The following TTC39B variants were observed in gnomAD, a reference collection of about 807,000 sequenced individuals.
TTC39B encodes tetratricopeptide repeat protein 39B.
TTC39B carries 92 observed loss-of-function variants against 96.6 expected under a neutral mutation model. The ratio of observed to expected loss-of-function variants is 0.95; its 90% confidence interval spans 0.80 to 1.13. The LOEUF (loss-of-function observed/expected upper bound fraction) is 1.13. Ranked by LOEUF, TTC39B falls within the 50% of genes most tolerant of loss-of-function variation. The pLI is 0.00. For synonymous variants in TTC39B, 367 were observed against 299.4 expected (o/e 1.23, Z -2.33); for missense variants, 955 against 809.3 (o/e 1.18, Z -2.18).
intron 1 of TTC39B, among the ~76,000 whole-genome samples, chr9:15,303,095 G>C (rs981380953): frequency 2.6e-5 from 4 of 152,000 alleles, no homozygotes; most frequent in Non-Finnish European, 5.9e-5. Flanking sequence ...TTGAACCCAG[G>C]AGGCAGAGGT....
At chr9:15,169,643 G>C (rs1161532236) in exon 20 of TTC39B, 1 of 152,074 alleles carries the variant, frequency 6.6e-6, no homozygotes, top group African/African-American at 2.4e-5. Context: ...ACAATATCTT[G>C]AACATAGCAG....
intron 2 of TTC39B, among the ~76,000 whole-genome samples, chr9:15,242,519 G>C (rs971008609): frequency 1.3e-5 from 2 of 152,084 alleles, no homozygotes; most frequent in African/African-American, 4.8e-5. Flanking sequence ...GACGGTTGAG[G>C]CTGCAGTGAG....
At chr9:15,255,292 G>A (rs967476902) in intron 2 of TTC39B, among the ~76,000 whole-genome samples, 1 of 152,026 alleles carries the variant, frequency 6.6e-6, no homozygotes, top group African/African-American at 2.4e-5. Context: ...GCATGGTACT[G>A]AACTATACAC....
chr9:15,200,569 T>A (rs1318979562), intron 7 of TTC39B, among the ~76,000 whole-genome samples: 1 of 152,192 alleles, frequency 6.6e-6, no homozygotes, highest in Non-Finnish European at 1.5e-5. Flanking sequence ...ATTTTCAGGG[T>A]CAGCATTCTA....
At chr9:15,206,732 A>C (rs1819879825) in intron 6 of TTC39B, among the ~76,000 whole-genome samples, 2 of 151,722 alleles carry the variant, frequency 1.3e-5, no homozygotes, top group Admixed American at 6.5e-5. Flanking sequence ...GGCTATAGTC[A>C]CAAGTTTATT....
chr9:15,173,948 T>G lies in TTC39B; in HGVS notation c.1958+1071A>C, dbSNP rs574429305. On this transcript the variant is annotated intron_variant, in intron 19 of 19. Transcript: ENST00000512701. ...AAAGCATCATCATTGACCCAGTGGC[T>G]CAACCTCCTCAATGCAGATGTTCAC... Among the ~76,000 whole-genome samples the G allele has an allele frequency of 3.9e-5, 6 of 152,298 alleles. No homozygotes were observed. In the East Asian group the frequency reaches 1.2e-3, roughly 29 times the overall value.
chr9:15,201,608 G>T (rs905124078), intron 7 of TTC39B, among the ~76,000 whole-genome samples: 5 of 152,196 alleles, frequency 3.3e-5, no homozygotes, highest in African/African-American at 1.2e-4. Context: ...TAAGGATCAT[G>T]ATGGGTTTGG....
chr9:15,225,914 G>A lies in TTC39B; in HGVS notation c.371+3C>T. 1 of 1,613,216 alleles carries A rather than the reference G, an allele frequency of 6.2e-7. No individual in the cohort carries two copies. Among genetic ancestry groups the A allele is most frequent in the Non-Finnish European group, 8.5e-7 (1 of 1,179,494 alleles). On this transcript the variant is annotated splice_donor_region_variant and intron_variant, in intron 3 of 19. Transcript: ENST00000512701. ...CCCAGGAATGCCCACAACCCTTCCT[G>A]ACCTGCTGACAGTAGACGCTCCGCG...
intron 7 of TTC39B, among the ~76,000 whole-genome samples, chr9:15,203,421 T>TA (rs1425975199): frequency 2.0e-5 from 3 of 151,546 alleles, no homozygotes; most frequent in African/African-American, 7.3e-5. Context: ...TGGCTAATTT[T>TA]TTTTTTTTTT....
chr9:15,185,168 C>CT, intron 16 of TTC39B, 112 bp downstream of exon 16: 1 of 1,357,854 alleles, frequency 7.4e-7, no homozygotes, highest in African/African-American at 1.5e-5. Flanking sequence ...ACAACAAAAC[C>CT]TACAATGGTT....
intron 1 of TTC39B, among the ~76,000 whole-genome samples, chr9:15,289,469 C>T (rs1824100599): frequency 6.6e-6 from 1 of 152,216 alleles, no homozygotes; most frequent in South Asian, 2.1e-4. Flanking sequence ...ATGAGGCAGA[C>T]ATTAGAATCC....
At chr9:15,215,940 C>G (rs1282876552) in intron 3 of TTC39B, among the ~76,000 whole-genome samples, 1 of 152,160 alleles carries the variant, frequency 6.6e-6, no homozygotes, top group Non-Finnish European at 1.5e-5. Flanking sequence ...GAGCTTCCAT[C>G]CCACCAACCT....
intron 16 of TTC39B, among the ~76,000 whole-genome samples, chr9:15,183,061 T>C (rs926416131): frequency 5.3e-5 from 8 of 152,216 alleles, no homozygotes; most frequent in Non-Finnish European, 4.4e-5. Flanking sequence ...AATATTTTTC[T>C]AATGTTCCTG....
intron 3 of TTC39B, among the ~76,000 whole-genome samples, chr9:15,219,531 C>T (rs1820723479): frequency 6.6e-6 from 1 of 152,184 alleles, no homozygotes. Context: ...CATATCCCCT[C>T]ACCCTTCTCC....
intron 2 of TTC39B, among the ~76,000 whole-genome samples, chr9:15,258,484 T>C (rs1563769394): frequency 6.6e-6 from 1 of 152,116 alleles, no homozygotes; most frequent in Non-Finnish European, 1.5e-5. Context: ...TAGTGAGTGA[T>C]AAAAGAAGCA....
intron 4 of TTC39B, among the ~76,000 whole-genome samples, chr9:15,213,143 G>T (rs1820304328): frequency 6.6e-6 from 1 of 152,000 alleles, no homozygotes; most frequent in African/African-American, 2.4e-5. Flanking sequence ...AGACAGGCAA[G>T]TAGGCTGAGA....
chr9:15,307,002 G>A, intron 1 of TTC39B, 82 bp downstream of exon 1: 2 of 1,549,400 alleles, frequency 1.3e-6, no homozygotes, highest in Non-Finnish European at 1.7e-6. Flanking sequence ...GGCCTCGGCC[G>A]TCCTAGCCGG....
chr9:15,305,520 A>T (rs958771780), intron 1 of TTC39B, among the ~76,000 whole-genome samples: 6 of 152,188 alleles, frequency 3.9e-5, no homozygotes, highest in African/African-American at 1.4e-4. Flanking sequence ...AATGAATGAT[A>T]TGGCAAAAAC....
intron 1 of TTC39B, among the ~76,000 whole-genome samples, chr9:15,271,385 C>A (rs1241182168): frequency 1.3e-5 from 2 of 152,018 alleles, no homozygotes; most frequent in African/African-American, 2.4e-5. Flanking sequence ...CAGTTCCCAA[C>A]CTTTTTGGCA....
Sources: gnomAD v4.1 joint callset for allele counts (sites outside exome capture counted in the v4.1 genomes callset) on GRCh38, gnomAD v4.1.1 for gene constraint, MANE v1.5 for transcripts, NCBI Gene and HGNC (gene_info 2026-07-23, HGNC 2026-07-21) for gene names.